Variants in ABHD3 observed in about 807,000 individuals in gnomAD.
ABHD3 encodes the protein abhydrolase domain containing 3, phospholipase, also known as phospholipase ABHD3.
A neutral mutation model predicts 48.8 loss-of-function variants in ABHD3; 46 were observed. The observed-to-expected ratio is 0.94, with a 90% CI of 0.74 to 1.20. The LOEUF (loss-of-function observed/expected upper bound fraction) is 1.20, where lower values mean the gene tolerates loss of function less well. ABHD3 is among the 50% of genes most tolerant of loss of function. The pLI is 0.00. For synonymous variants in ABHD3, 192 were observed against 183.7 expected, an observed-to-expected ratio of 1.04 and a Z score of -0.36; for missense variants, 490 against 497.8, an observed-to-expected ratio of 0.98 and a Z score of 0.15.
chr18:21,670,915 G>A (rs1203505305), intron 4 of ABHD3, among the ~76,000 whole-genome samples: 3 of 152,200 alleles, frequency 2.0e-5, no homozygotes, highest in Admixed American at 2.0e-4. Context: ...TTGGGAGGTT[G>A]AGGTGGGAGG....
chr18:21,671,265 G>A (rs901876092), intron 4 of ABHD3, among the ~76,000 whole-genome samples: 6 of 152,018 alleles, frequency 3.9e-5, no homozygotes, highest in Admixed American at 3.3e-4. Flanking sequence ...CAGTTCTATC[G>A]CACAGCCGCT....
intron 4 of ABHD3, among the ~76,000 whole-genome samples, chr18:21,664,758 G>C (rs892142680): frequency 6.6e-6 from 1 of 151,898 alleles, no homozygotes; most frequent in Non-Finnish European, 1.5e-5. Context: ...AAACTCCCAA[G>C]TAGCTGGAAC....
intron 3 of ABHD3, chr18:21,701,937 G>A (rs767874259): frequency 3.4e-4 from 53 of 155,154 alleles, no homozygotes; most frequent in Non-Finnish European, 7.1e-5. Flanking sequence ...GTGAATCCAG[G>A]CCCCAGAATG....
chr18:21,681,362 C>A (rs919059524), intron 4 of ABHD3, among the ~76,000 whole-genome samples: 5 of 152,154 alleles, frequency 3.3e-5, no homozygotes, highest in Non-Finnish European at 7.3e-5. Context: ...ACCCTAGACT[C>A]CCTTGTCTTT....
intron 4 of ABHD3, among the ~76,000 whole-genome samples, chr18:21,669,324 T>C (rs1568145377): frequency 1.3e-5 from 2 of 152,220 alleles, no homozygotes; most frequent in East Asian, 1.9e-4. Context: ...CTTTCCATCA[T>C]AGTCGGCCTC....
intron 4 of ABHD3, among the ~76,000 whole-genome samples, chr18:21,679,117 T>C (rs2039951931): frequency 6.6e-6 from 1 of 152,242 alleles, no homozygotes. Flanking sequence ...GATTCATCTT[T>C]TGTTCTTTTT....
At chr18:21,688,914 T>C (rs1437747856) in intron 3 of ABHD3, among the ~76,000 whole-genome samples, 2 of 152,092 alleles carry the variant, frequency 1.3e-5, no homozygotes, top group African/African-American at 2.4e-5. Flanking sequence ...ACAGTAACAA[T>C]AGAAAATAAG....
At chr18:21,672,821 G>A (rs2039785605) in intron 4 of ABHD3, among the ~76,000 whole-genome samples, 1 of 152,162 alleles carries the variant, frequency 6.6e-6, no homozygotes, top group Non-Finnish European at 1.5e-5. Context: ...GCAGTTTAAT[G>A]AACCATCATT....
intron 4 of ABHD3, among the ~76,000 whole-genome samples, chr18:21,668,683 T>C (rs1012760283): frequency 2.1e-4 from 32 of 152,218 alleles, no homozygotes; most frequent in African/African-American, 6.5e-4. Context: ...CCATGAGGTA[T>C]ACAGTGAATA....
chr18:21,658,795 A>G (rs8091602), intron 6 of ABHD3, among the ~76,000 whole-genome samples: 7,952 of 152,100 alleles, frequency 0.052, 265 homozygotes, highest in Non-Finnish European at 0.075. Context: ...ATTACGCTTT[A>G]AATTTTTTTA....
At position 21,653,167 on chromosome 18, in the gene ABHD3, G is replaced by A. The variant is rs941962847; in HGVS notation, c.1058-1404C>T. ...TCATGATGTCAGGAGTTCAAGAACG[G>A]CCTGGCCAACATGGTGAAACCCCAT... On this transcript the variant is annotated intron_variant, in intron 8 of 8. Transcript: ENST00000289119. Among the ~76,000 whole-genome samples the A allele has an allele frequency of 2.2e-5, 3 of 135,326 alleles. No individual in the cohort carries two copies. In the Admixed American group the frequency reaches 2.4e-4, roughly 11 times the overall value. 88.8% of individuals were successfully genotyped at this position (135,326 alleles called of 152,430 possible).
chr18:21,697,278 T>C (rs1045823565), intron 3 of ABHD3, among the ~76,000 whole-genome samples: 7 of 152,054 alleles, frequency 4.6e-5, no homozygotes, highest in African/African-American at 1.7e-4. Context: ...TGTCACCATA[T>C]TGGCAAGGCT....
chr18:21,684,023 A>G, intron 3 of ABHD3, 58 bp from the exon 4 acceptor site: 1 of 1,466,100 alleles, frequency 6.8e-7, no homozygotes, highest in Non-Finnish European at 9.4e-7. Context: ...CTCATGATAT[A>G]ATATTAAAGT....
intron 4 of ABHD3, among the ~76,000 whole-genome samples, chr18:21,666,863 T>C (rs2039644005): frequency 6.6e-6 from 1 of 152,154 alleles, no homozygotes; most frequent in South Asian, 2.1e-4. Context: ...CGGTAGAATA[T>C]ATGTGAGTGT....
intron 5 of ABHD3, chr18:21,662,470 T>G (rs1003914392): frequency 2.6e-5 from 4 of 151,754 alleles, no homozygotes; most frequent in African/African-American, 9.7e-5. Flanking sequence ...ATAATCAGAG[T>G]TGGGAGAGAG....
chr18:21,659,550 TG>T (rs753440560), intron 5 of ABHD3, among the ~76,000 whole-genome samples: 2 of 152,186 alleles, frequency 1.3e-5, no homozygotes, highest in Non-Finnish European at 2.9e-5. Flanking sequence ...ATGTGGTAAA[TG>T]GGACAAATCA....
chr18:21,687,807 G>C (rs1349802930), intron 3 of ABHD3, among the ~76,000 whole-genome samples: 1 of 152,174 alleles, frequency 6.6e-6, no homozygotes, highest in Non-Finnish European at 1.5e-5. Flanking sequence ...ATAGCACAGA[G>C]TTTCTCAATC....
chr18:21,667,077 ATTT>A (rs60152923), intron 4 of ABHD3, among the ~76,000 whole-genome samples: 1 of 124,988 alleles, frequency 8.0e-6, no homozygotes, highest in Non-Finnish European at 1.6e-5. Flanking sequence ...AGAAAATTAC[ATTT>A]TTTTTTTTTT....
At chr18:21,702,130 T>G in intron 3 of ABHD3, 186 bp downstream of exon 3, 16 of 522,732 alleles carry the variant, frequency 3.1e-5, no homozygotes, top group Middle Eastern at 5.2e-4. Flanking sequence ...ACATTTCTTG[T>G]GAGATGATTC....
Sources: gnomAD v4.1 joint callset for allele counts (sites outside exome capture counted in the v4.1 genomes callset) on GRCh38, gnomAD v4.1.1 for gene constraint, MANE v1.5 for transcripts, NCBI Gene and HGNC (gene_info 2026-07-23, HGNC 2026-07-21) for gene names.